Variants in DGKB observed in about 807,000 individuals in gnomAD.
DGKB encodes diacylglycerol kinase beta.
Under a neutral mutation model 114.3 loss-of-function variants are expected in DGKB, and 67 were observed. The ratio of observed to expected loss-of-function variants is 0.59; its 90% CI spans 0.48 to 0.72. The LOEUF (loss-of-function observed/expected upper bound fraction) is 0.72, where lower values mean the gene tolerates loss of function less well. Among genes scored for constraint, DGKB ranks in the 30% least tolerant of loss-of-function variants. DGKB has a pLI of 0.00. For missense variants in DGKB, 907 were observed against 975.2 expected, an observed-to-expected ratio of 0.93 and a Z score of 0.93; for synonymous variants, 398 against 323.1, an observed-to-expected ratio of 1.23 and a Z score of -2.49.
intron 23 of DGKB, among the ~76,000 whole-genome samples, chr7:14,284,921 T>C (rs1800612398): frequency 6.8e-6 from 1 of 148,044 alleles, no homozygotes; most frequent in South Asian, 2.2e-4. Context: ...AGATGACGAG[T>C]TAGTGGGTGA....
intron 21 of DGKB, among the ~76,000 whole-genome samples, chr7:14,366,387 T>G (rs1357568839): frequency 6.6e-6 from 1 of 152,074 alleles, no homozygotes; most frequent in African/African-American, 2.4e-5. Context: ...AAAATTAGAG[T>G]TGCTTACATC....
At position 14,832,495 on chromosome 7, in the gene DGKB, T is replaced by C. The variant is rs549734516; in HGVS notation, c.70+8699A>G. 7.2e-5 allele frequency among the ~76,000 whole-genome samples: 11 copies of C among 152,188 alleles called. No individual in the cohort carries two copies. The South Asian group carries it at 2.1e-3, about 29-fold the overall frequency. ...TGTGTTCTCTCTGTCTTTCCTGTTTTCCATCCATTTCATCTATTATTGTTT... is the reference window on the plus strand; with the variant it reads ...TGTGTTCTCTCTGTCTTTCCTGTTTCCCATCCATTTCATCTATTATTGTTT... On this transcript the variant is annotated intron_variant, in intron 2 of 25. Transcript: ENST00000402815.
At chr7:14,171,948 T>A (rs1358898604) in intron 25 of DGKB, among the ~76,000 whole-genome samples, 1 of 152,196 alleles carries the variant, frequency 6.6e-6, no homozygotes, top group Non-Finnish European at 1.5e-5. Context: ...GCTGGACATA[T>A]AACTGAGAAT....
At chr7:14,239,494 T>C (rs1003046958) in intron 23 of DGKB, among the ~76,000 whole-genome samples, 1 of 152,076 alleles carries the variant, frequency 6.6e-6, no homozygotes, top group Non-Finnish European at 1.5e-5. Context: ...AGCAATGAAG[T>C]CATAGTAATT....
At chr7:14,286,722 C>T (rs1800933081) in intron 23 of DGKB, among the ~76,000 whole-genome samples, 1 of 152,026 alleles carries the variant, frequency 6.6e-6, no homozygotes, top group South Asian at 2.1e-4. Flanking sequence ...CATTAAATGT[C>T]TGGATAATTT....
chr7:14,496,290 G>A (rs558242422), intron 20 of DGKB, among the ~76,000 whole-genome samples: 1 of 151,580 alleles, frequency 6.6e-6, no homozygotes, highest in Non-Finnish European at 1.5e-5. Context: ...ATTTGTTCTT[G>A]GGTTTTTATG....
At chr7:14,783,495 T>C (rs1839420117) in intron 2 of DGKB, among the ~76,000 whole-genome samples, 2 of 152,230 alleles carry the variant, frequency 1.3e-5, no homozygotes, top group Admixed American at 1.3e-4. Flanking sequence ...GAATTTCCTC[T>C]CACTTATTGA....
intron 21 of DGKB, among the ~76,000 whole-genome samples, chr7:14,359,790 T>C (rs13308162): frequency 4.6e-5 from 7 of 152,054 alleles, no homozygotes; most frequent in Middle Eastern, 3.4e-3. Context: ...GTTAGAATAG[T>C]GATCATTAAA....
chr7:14,338,437 G>A lies in DGKB; in HGVS notation c.2122+78C>T, dbSNP rs1390543405. ...AATATATAAATTATTATAGTGCAAC[G>A]GAAGACTCTTTACTTTTAAAGAAGC... On this transcript the variant is annotated intron_variant, in intron 23 of 25. Coordinates refer to ENST00000402815, the MANE Select transcript of DGKB (RefSeq NM_001350709.2). 7.2e-6 allele frequency: 6 copies of A among 830,926 alleles called. No homozygotes were observed. In the South Asian group the frequency reaches 1.0e-4, roughly 14 times the overall value. 51.5% of individuals were successfully genotyped at this position (830,926 alleles called of 1,614,324 possible). A position where few individuals can be genotyped will look rare whatever the true frequency, so the allele number is the denominator to read the frequency against.
Position 14,709,633 on chromosome 7 carries a change from G to T in DGKB, c.467-7903C>A, listed in dbSNP as rs1325472276. ...CATATACACCATGGAACACTATGCA[G>T]CCATAAAAAATGATGAGTTCATGTC... On this transcript the variant is annotated intron_variant, in intron 6 of 25. Transcript: ENST00000402815. Among the ~76,000 whole-genome samples the T allele has an allele frequency of 4.0e-3, 576 of 145,604 alleles. 2 individuals are homozygous for T. Among genetic ancestry groups the T allele is most frequent in the African/African-American group, 0.014 (538 of 39,314 alleles).
At chr7:14,966,119 T>G (rs1285991073) in intron 1 of DGKB, among the ~76,000 whole-genome samples, 1 of 152,052 alleles carries the variant, frequency 6.6e-6, no homozygotes, top group African/African-American at 2.4e-5. Context: ...TGGTTGAAGT[T>G]TTTTCATCCA....
rs189837012 is a variant in DGKB, at chr7:14,334,531, T to A, written c.2122+3984A>T. On this transcript the variant is annotated intron_variant, in intron 23 of 25. Coordinates refer to ENST00000402815, the MANE Select transcript of DGKB (RefSeq NM_001350709.2). ...AAGTTAATGATTTGAGAACTGTTAA[T>A]ATGACAAATATATTTTTATTATAGT... 1.5e-3 allele frequency among the ~76,000 whole-genome samples: 230 copies of A among 151,986 alleles called. 1 individual carries two copies. The highest frequency in any genetic ancestry group is 5.3e-3 in the African/African-American group (218 of 41,492).
chr7:14,565,228 T>TTGGA (rs1447314214), intron 20 of DGKB, among the ~76,000 whole-genome samples: 1 of 152,110 alleles, frequency 6.6e-6, no homozygotes, highest in Admixed American at 6.5e-5. Context: ...GCTTAACCTG[T>TTGGA]TGGATGCTGG....
chr7:14,461,161 A>T (rs1221935300), intron 21 of DGKB, among the ~76,000 whole-genome samples: 1 of 152,188 alleles, frequency 6.6e-6, no homozygotes, highest in African/African-American at 2.4e-5. Context: ...AAGGTCTAAA[A>T]TCAACACCCT....
chr7:14,939,905 A>G (rs150659512), intron 1 of DGKB, among the ~76,000 whole-genome samples: 21,664 of 151,684 alleles, frequency 0.14, 1,610 homozygotes, highest in Admixed American at 0.2. Flanking sequence ...GAGCCACCAC[A>G]CCCAGCCAAT....
chr7:14,904,059 TA>T (rs1028238550), upstream of DGKB, among the ~76,000 whole-genome samples: 3 of 152,162 alleles, frequency 2.0e-5, no homozygotes, highest in Non-Finnish European at 2.9e-5. Flanking sequence ...CATATTCTCA[TA>T]AAAAATATGA....
chr7:14,152,931 TTTCATCCACCTC>T (rs1782443084), intron 25 of DGKB, among the ~76,000 whole-genome samples: 1 of 152,064 alleles, frequency 6.6e-6, no homozygotes, highest in Admixed American at 6.6e-5. Flanking sequence ...GTGCCCCCTA[TTTCATCCACCTC>T]TTTGAGCTGC....
At chr7:14,521,805 C>A (rs181434248) in intron 20 of DGKB, among the ~76,000 whole-genome samples, 28 of 152,076 alleles carry the variant, frequency 1.8e-4, no homozygotes, top group Non-Finnish European at 3.4e-4. Context: ...ATGAGTCACA[C>A]GTTCTTATTT....
chr7:14,931,231 C>T (rs955838182), intron 1 of DGKB, among the ~76,000 whole-genome samples: 9 of 151,886 alleles, frequency 5.9e-5, no homozygotes, highest in African/African-American at 1.7e-4. Context: ...CCTGCCTCAG[C>T]CTCCTGAGTA....
Sources: gnomAD v4.1 joint callset for allele counts (sites outside exome capture counted in the v4.1 genomes callset) on GRCh38, gnomAD v4.1.1 for gene constraint, MANE v1.5 for transcripts, NCBI Gene and HGNC (gene_info 2026-07-23, HGNC 2026-07-21) for gene names.